Variants in GRM7 observed in about 807,000 individuals in gnomAD.
The protein encoded by GRM7 is glutamate metabotropic receptor 7.
A neutral mutation model predicts 84.5 loss-of-function variants in GRM7; 35 were observed. That is an observed-to-expected ratio of 0.41 (90% CI 0.32 to 0.55). The LOEUF (loss-of-function observed/expected upper bound fraction) is 0.55. Among genes scored for constraint, GRM7 ranks in the 20% least tolerant of loss-of-function variants. The pLI is 0.19. For synonymous variants in GRM7, 487 were observed against 455.1 expected (o/e 1.07, Z -0.89); for missense variants, 1,003 against 1,194.6 (o/e 0.84, Z 2.36).
At chr3:7,519,275 T>G (rs2124988223) in intron 7 of GRM7, among the ~76,000 whole-genome samples, 1 of 151,754 alleles carries the variant, frequency 6.6e-6, no homozygotes, top group East Asian at 1.9e-4. Flanking sequence ...GGCAGGAGAA[T>G]CGCTGAAACT....
At chr3:7,582,278 C>A (rs980340228) in intron 8 of GRM7, among the ~76,000 whole-genome samples, 1 of 152,176 alleles carries the variant, frequency 6.6e-6, no homozygotes, top group East Asian at 1.9e-4. Flanking sequence ...AGGGAACATA[C>A]AGGCTACCCG....
chr3:7,601,642 G>C (rs1387913667), intron 8 of GRM7, among the ~76,000 whole-genome samples: 2 of 152,040 alleles, frequency 1.3e-5, no homozygotes, highest in Non-Finnish European at 2.9e-5. Context: ...TGAATACCAA[G>C]GAGATGTGTG....
At chr3:7,093,402 A>G (rs1048902639) in intron 1 of GRM7, among the ~76,000 whole-genome samples, 1 of 151,740 alleles carries the variant, frequency 6.6e-6, no homozygotes, top group Non-Finnish European at 1.5e-5. Flanking sequence ...GTGGCCGGCC[A>G]GCCATGGTGG....
chr3:7,223,946 C>A (rs922010215), intron 2 of GRM7, among the ~76,000 whole-genome samples: 1 of 152,136 alleles, frequency 6.6e-6, no homozygotes, highest in South Asian at 2.1e-4. Context: ...TACAGCATAG[C>A]TATGTATGGA....
intron 2 of GRM7, among the ~76,000 whole-genome samples, chr3:7,172,666 C>T (rs1220935187): frequency 6.6e-6 from 1 of 150,968 alleles, no homozygotes; most frequent in Non-Finnish European, 1.5e-5. Flanking sequence ...CCGAAAAGAA[C>T]AATTTTTGAG....
intron 1 of GRM7, among the ~76,000 whole-genome samples, chr3:7,059,748 T>C (rs1697364026): frequency 1.3e-5 from 2 of 151,676 alleles, no homozygotes; most frequent in Admixed American, 1.3e-4. Context: ...TTAGTGCTCT[T>C]ATAAAAGTGA....
intron 4 of GRM7, among the ~76,000 whole-genome samples, chr3:7,378,682 A>G (rs1039752121): frequency 3.3e-5 from 5 of 152,266 alleles, no homozygotes; most frequent in African/African-American, 9.6e-5. Context: ...ATTAACTAAC[A>G]TTAGATATTA....
At chr3:7,076,350 G>A (rs1321034754) in intron 1 of GRM7, among the ~76,000 whole-genome samples, 1 of 152,230 alleles carries the variant, frequency 6.6e-6, no homozygotes, top group Non-Finnish European at 1.5e-5. Flanking sequence ...TTGAGGGAAG[G>A]GCCTTGGTGG....
intron 9 of GRM7, among the ~76,000 whole-genome samples, chr3:7,684,069 G>A (rs921336471): frequency 8.5e-5 from 13 of 152,100 alleles, no homozygotes; most frequent in Non-Finnish European, 1.8e-4. Context: ...CCAGTCCGCA[G>A]CAATGCAAAA....
chr3:7,378,606 T>C (rs1291023604), intron 4 of GRM7, among the ~76,000 whole-genome samples: 1 of 152,206 alleles, frequency 6.6e-6, no homozygotes, highest in Non-Finnish European at 1.5e-5. Flanking sequence ...TAGAATACTT[T>C]TTGTGACAAG....
At chr3:7,337,700 A>G (rs1044883450) in intron 4 of GRM7, among the ~76,000 whole-genome samples, 7 of 152,244 alleles carry the variant, frequency 4.6e-5, no homozygotes, top group African/African-American at 1.7e-4. Context: ...CAAAACCACA[A>G]TGTGATACCA....
chr3:7,531,491 G>A (rs1466605238), intron 7 of GRM7, among the ~76,000 whole-genome samples: 1 of 152,114 alleles, frequency 6.6e-6, no homozygotes, highest in Non-Finnish European at 1.5e-5. Flanking sequence ...ATTTCCTTGA[G>A]CAGAGGTTTG....
chr3:7,064,461 TAC>T (rs1205453195), intron 1 of GRM7, among the ~76,000 whole-genome samples: 7 of 78,724 alleles, frequency 8.9e-5, no homozygotes, highest in East Asian at 5.9e-4. Context: ...TGGATATATA[TAC>T]ATATATATAT....
At chr3:7,697,202 AAAG>A (rs1431035104) in intron 9 of GRM7, among the ~76,000 whole-genome samples, 1 of 152,212 alleles carries the variant, frequency 6.6e-6, no homozygotes, top group Non-Finnish European at 1.5e-5. Flanking sequence ...AATAGGCAAA[AAAG>A]AAAAATATAC....
chr3:7,604,484 A>G (rs1313536655), intron 8 of GRM7, among the ~76,000 whole-genome samples: 1 of 152,134 alleles, frequency 6.6e-6, no homozygotes, highest in Non-Finnish European at 1.5e-5. Context: ...TCCCTTCTCA[A>G]GGTTCCCAAA....
rs2124953947 is a variant in GRM7 at position 7,050,510 on chromosome 3, T to G, written c.520-95942T>G. Among the ~76,000 whole-genome samples, 3 of 152,028 alleles carry G rather than the reference T, an allele frequency of 2.0e-5. No individual in the cohort carries two copies. In the South Asian group the frequency reaches 6.2e-4, roughly 32 times the overall value. On this transcript the variant is annotated intron_variant, in intron 1 of 9. Transcript: ENST00000357716. ...CACCCCAGACTTGGGGTTACTTCTCTTAATGTAAACAGTTTAATGATGTAA... is the reference window on the plus strand; with the variant it reads ...CACCCCAGACTTGGGGTTACTTCTCGTAATGTAAACAGTTTAATGATGTAA...
intron 1 of GRM7, among the ~76,000 whole-genome samples, chr3:6,938,396 C>G (rs1697766000): frequency 1.3e-5 from 2 of 152,202 alleles, no homozygotes; most frequent in Admixed American, 1.3e-4. Flanking sequence ...TCCAGTCCAG[C>G]TGTAACTCCA....
At chr3:7,272,598 T>G (rs1055349177) in intron 2 of GRM7, among the ~76,000 whole-genome samples, 2 of 152,154 alleles carry the variant, frequency 1.3e-5, no homozygotes, top group African/African-American at 2.4e-5. Flanking sequence ...TTTCAAGGAG[T>G]TGGTAGATTC....
rs149877267 is a variant in GRM7, at chr3:7,471,163, G to C, written c.1515+9441G>C. Among the ~76,000 whole-genome samples the C allele has an allele frequency of 4.8e-3, 729 of 151,808 alleles. 10 individuals are homozygous for C. The highest frequency in any genetic ancestry group is 0.017 in the African/African-American group (687 of 41,404). On this transcript the variant is annotated intron_variant, in intron 7 of 9. Coordinates refer to ENST00000357716, the MANE Select transcript of GRM7 (RefSeq NM_000844.4). ...ACTTCCCTGATACAAGAATGCATAT[G>C]ATATTTGTGGTCATGTTTCTTGTAT...
Sources: allele counts gnomAD v4.1 joint callset (sites outside exome capture counted in the v4.1 genomes callset), GRCh38; gene constraint gnomAD v4.1.1; transcripts MANE v1.5; gene names NCBI Gene and HGNC (gene_info 2026-07-23, HGNC 2026-07-21).